Variants in CNTNAP5 observed in about 807,000 individuals in gnomAD.
CNTNAP5 encodes the protein contactin-associated protein-like 5.
CNTNAP5 carries 72 observed loss-of-function variants against 150.2 expected under a neutral mutation model. The ratio of observed to expected loss-of-function variants is 0.48; its 90% CI spans 0.40 to 0.58. The LOEUF is 0.58. Ranked by LOEUF, CNTNAP5 falls within the 20% of genes least tolerant of loss-of-function variation. The pLI, the probability that CNTNAP5 is intolerant of heterozygous loss-of-function variation, is 0.00. For synonymous variants in CNTNAP5, 672 were observed against 619.8 expected (o/e 1.08, Z -1.25); for missense variants, 1,636 against 1,626.2 (o/e 1.01, Z -0.10).
intron 3 of CNTNAP5, among the ~76,000 whole-genome samples, chr2:124,308,663 G>A (rs1041224983): frequency 6.6e-6 from 1 of 152,146 alleles, no homozygotes; most frequent in Admixed American, 6.5e-5. Flanking sequence ...CTCTTGAACT[G>A]TAGATTTATC....
At chr2:124,905,323 A>C (rs1186949134) in intron 22 of CNTNAP5, among the ~76,000 whole-genome samples, 1 of 152,070 alleles carries the variant, frequency 6.6e-6, no homozygotes, top group Admixed American at 6.6e-5. Flanking sequence ...GAACCCTTTT[A>C]CACTCCTGGT....
At chr2:124,046,427 A>AAGAG (rs75928010) in intron 1 of CNTNAP5, among the ~76,000 whole-genome samples, 2 of 64,510 alleles carry the variant, frequency 3.1e-5, no homozygotes, top group Admixed American at 2.2e-4. Flanking sequence ...CTGCTCACAA[A>AAGAG]AGAGAGAAAA....
chr2:124,845,774 A>G (rs1683036047), intron 19 of CNTNAP5, among the ~76,000 whole-genome samples: 2 of 152,116 alleles, frequency 1.3e-5, no homozygotes, highest in Non-Finnish European at 2.9e-5. Context: ...TTATGTGCAT[A>G]AAGGTGTTCA....
intron 20 of CNTNAP5, 105 bp downstream of exon 20, chr2:124,865,541 A>C: frequency 9.5e-7 from 1 of 1,052,550 alleles, no homozygotes; most frequent in Non-Finnish European, 1.4e-6. Context: ...TGCTGGAAAC[A>C]TAGTTACAAA....
chr2:124,553,180 A>G (rs1695669493), intron 10 of CNTNAP5, among the ~76,000 whole-genome samples: 1 of 152,188 alleles, frequency 6.6e-6, no homozygotes, highest in Non-Finnish European at 1.5e-5. Flanking sequence ...AAACACTGGC[A>G]AAGGCTGTAA....
intron 1 of CNTNAP5, among the ~76,000 whole-genome samples, chr2:124,193,529 C>A (rs543764232): frequency 6.6e-6 from 1 of 152,078 alleles, no homozygotes; most frequent in East Asian, 1.9e-4. Context: ...TTAAGATTAA[C>A]GTAAAATGGA....
chr2:124,452,652 C>G (rs902429328), intron 6 of CNTNAP5, among the ~76,000 whole-genome samples: 18 of 152,148 alleles, frequency 1.2e-4, no homozygotes, highest in Non-Finnish European at 2.4e-4. Flanking sequence ...CAGGCCCCTG[C>G]AACCTCCACT....
chr2:124,142,819 A>G (rs967958870), intron 1 of CNTNAP5, among the ~76,000 whole-genome samples: 8 of 150,912 alleles, frequency 5.3e-5, no homozygotes, highest in African/African-American at 9.9e-5. Context: ...TAGAGACACA[A>G]AAAACCCTTC....
intron 17 of CNTNAP5, among the ~76,000 whole-genome samples, chr2:124,777,340 A>C (rs1378049617): frequency 6.6e-6 from 1 of 152,122 alleles, no homozygotes; most frequent in Non-Finnish European, 1.5e-5. Flanking sequence ...GGATACATTT[A>C]ACCCATCCCA....
At chr2:124,198,379 T>C (rs1219042445) in intron 1 of CNTNAP5, among the ~76,000 whole-genome samples, 1 of 152,168 alleles carries the variant, frequency 6.6e-6, no homozygotes, top group East Asian at 1.9e-4. Context: ...CATGTACCTA[T>C]ATATTACAAT....
intron 21 of CNTNAP5, among the ~76,000 whole-genome samples, chr2:124,873,408 T>C (rs1164882706): frequency 6.6e-6 from 1 of 152,046 alleles, no homozygotes; most frequent in Non-Finnish European, 1.5e-5. Flanking sequence ...ATACAAACCA[T>C]ATCAAATACC....
At chr2:124,343,157 A>G (rs1689659450) in intron 3 of CNTNAP5, among the ~76,000 whole-genome samples, 1 of 152,202 alleles carries the variant, frequency 6.6e-6, no homozygotes, top group African/African-American at 2.4e-5. Context: ...TTATAATAAA[A>G]AAGCAATTGA....
chr2:124,298,020 C>G (rs372544373), intron 3 of CNTNAP5, among the ~76,000 whole-genome samples: 2 of 151,748 alleles, frequency 1.3e-5, no homozygotes, highest in East Asian at 3.9e-4. Context: ...AATTTTTGTT[C>G]TTTTAGTAGA....
At chr2:124,426,852 C>T (rs1287838051) in intron 4 of CNTNAP5, among the ~76,000 whole-genome samples, 1 of 152,168 alleles carries the variant, frequency 6.6e-6, no homozygotes, top group Non-Finnish European at 1.5e-5. Context: ...TCGGCCAGTG[C>T]TGGCATTCTC....
intron 4 of CNTNAP5, among the ~76,000 whole-genome samples, chr2:124,423,203 G>A (rs1692149944): frequency 6.6e-6 from 1 of 152,184 alleles, no homozygotes; most frequent in South Asian, 2.1e-4. Flanking sequence ...TAATACTAGT[G>A]TTGCTTCAAC....
At chr2:124,383,743 A>G (rs1305450515) in intron 3 of CNTNAP5, among the ~76,000 whole-genome samples, 1 of 152,228 alleles carries the variant, frequency 6.6e-6, no homozygotes, top group African/African-American at 2.4e-5. Flanking sequence ...TTGGCACTCC[A>G]TGAATCATAA....
chr2:124,320,831 G>C (rs1051341314), intron 3 of CNTNAP5, among the ~76,000 whole-genome samples: 1 of 152,142 alleles, frequency 6.6e-6, no homozygotes, highest in African/African-American at 2.4e-5. Flanking sequence ...AACAGAAAAT[G>C]TGAGACATGT....
At chr2:124,624,789 G>A (rs989254964) in intron 12 of CNTNAP5, among the ~76,000 whole-genome samples, 1 of 152,190 alleles carries the variant, frequency 6.6e-6, no homozygotes, top group African/African-American at 2.4e-5. Context: ...AGGAGGCTGG[G>A]GGTGGTGGGC....
chr2:124,050,965 G>A (rs1246240610), intron 1 of CNTNAP5, among the ~76,000 whole-genome samples: 1 of 152,194 alleles, frequency 6.6e-6, no homozygotes, highest in Non-Finnish European at 1.5e-5. Flanking sequence ...AATCTCGGAT[G>A]TGTAGAGAAT....
Sources: gnomAD v4.1 joint callset for allele counts (sites outside exome capture counted in the v4.1 genomes callset) on GRCh38, gnomAD v4.1.1 for gene constraint, MANE v1.5 for transcripts, NCBI Gene and HGNC (gene_info 2026-07-23, HGNC 2026-07-21) for gene names.